The following STRN3 variants were observed in gnomAD, a reference collection of about 807,000 sequenced individuals.
STRN3 encodes the protein striatin 3.
A neutral mutation model predicts 95.6 loss-of-function variants in STRN3; 29 were observed. That is an observed-to-expected ratio of 0.30 (90% confidence interval 0.23 to 0.41). The LOEUF (loss-of-function observed/expected upper bound fraction) is 0.41, where lower values mean the gene tolerates loss of function less well. Ranked by LOEUF, STRN3 falls within the 10% of genes least tolerant of loss-of-function variation. The pLI is 1.00. For synonymous variants in STRN3, 331 were observed against 357.6 expected (o/e 0.93, Z 0.84); for missense variants, 890 against 972.1 (o/e 0.92, Z 1.12).
chr14:30,945,431 T>C (rs1296694073), intron 5 of STRN3, among the ~76,000 whole-genome samples: 1 of 151,998 alleles, frequency 6.6e-6, no homozygotes, highest in Non-Finnish European at 1.5e-5. Context: ...CTGGGCAACA[T>C]AGCAAAATCC....
At chr14:30,907,851 T>C (rs750262630) in intron 13 of STRN3, among the ~76,000 whole-genome samples, 1 of 152,224 alleles carries the variant, frequency 6.6e-6, no homozygotes, top group Non-Finnish European at 1.5e-5. Context: ...GCATAATTTG[T>C]CTGACAATCC....
At chr14:30,959,368 T>C (rs1044496717) in intron 1 of STRN3, among the ~76,000 whole-genome samples, 1 of 151,872 alleles carries the variant, frequency 6.6e-6, no homozygotes, top group South Asian at 2.1e-4. Flanking sequence ...CACCAACATA[T>C]GGATTAACCA....
At chr14:30,909,837 T>G (rs1346428927) in intron 13 of STRN3, among the ~76,000 whole-genome samples, 1 of 152,164 alleles carries the variant, frequency 6.6e-6, no homozygotes, top group Admixed American at 6.5e-5. Flanking sequence ...AGTAAAGCAG[T>G]TAAACACATA....
intron 1 of STRN3, among the ~76,000 whole-genome samples, chr14:30,981,254 G>C (rs367648256): frequency 5.3e-5 from 8 of 152,000 alleles, no homozygotes; most frequent in African/African-American, 1.9e-4. Context: ...GTTGGAGACC[G>C]AGGGAACTAT....
intron 1 of STRN3, among the ~76,000 whole-genome samples, chr14:30,996,251 CA>C (rs757284143): frequency 4.8e-4 from 73 of 152,220 alleles, no homozygotes; most frequent in African/African-American, 1.6e-3. Flanking sequence ...GGTCACCGAC[CA>C]CCTAGTCACC....
intron 7 of STRN3, among the ~76,000 whole-genome samples, chr14:30,930,876 T>G (rs968186190): frequency 1.3e-5 from 2 of 152,100 alleles, no homozygotes; most frequent in Non-Finnish European, 1.5e-5. Flanking sequence ...TTCAACTACT[T>G]AAAGCAAGAC....
At chr14:30,968,108 G>A (rs1477449415) in intron 1 of STRN3, among the ~76,000 whole-genome samples, 2 of 152,090 alleles carry the variant, frequency 1.3e-5, no homozygotes, top group Non-Finnish European at 2.9e-5. Flanking sequence ...GGACTAAACA[G>A]GGTCTTATTA....
intron 1 of STRN3, among the ~76,000 whole-genome samples, chr14:31,024,131 A>C (rs1320248588): frequency 1.3e-5 from 2 of 152,210 alleles, no homozygotes; most frequent in Non-Finnish European, 2.9e-5. Context: ...GGCACAAGAT[A>C]TCTTTCTTCT....
At chr14:30,994,352 T>C (rs1464749729) in intron 1 of STRN3, among the ~76,000 whole-genome samples, 2 of 152,190 alleles carry the variant, frequency 1.3e-5, no homozygotes, top group Admixed American at 6.5e-5. Flanking sequence ...TAAAATCGTT[T>C]AGAACTCTGG....
At chr14:30,922,725 T>C (rs1896915426) in intron 8 of STRN3, among the ~76,000 whole-genome samples, 1 of 152,236 alleles carries the variant, frequency 6.6e-6, no homozygotes, top group Non-Finnish European at 1.5e-5. Context: ...TTCTATTTTC[T>C]ATCATAATTA....
chr14:30,898,204 T>A (rs1433678101), intron 16 of STRN3, among the ~76,000 whole-genome samples: 1 of 151,486 alleles, frequency 6.6e-6, no homozygotes, highest in Non-Finnish European at 1.5e-5. Context: ...CTCAAACTCC[T>A]GGTGTCAAGC....
At chr14:30,984,603 C>T (rs1280566999) in intron 1 of STRN3, among the ~76,000 whole-genome samples, 1 of 151,934 alleles carries the variant, frequency 6.6e-6, no homozygotes, top group African/African-American at 2.4e-5. Context: ...CAGGATGAAA[C>T]CTCGTATCCA....
chr14:30,965,786 A>C (rs1594509155), intron 1 of STRN3, among the ~76,000 whole-genome samples: 1 of 151,522 alleles, frequency 6.6e-6, no homozygotes, highest in Middle Eastern at 3.4e-3. Context: ...AAAAAAAAAA[A>C]AAACAACAAA....
At chr14:30,927,526 A>C (rs1328144337) in intron 8 of STRN3, among the ~76,000 whole-genome samples, 1 of 152,102 alleles carries the variant, frequency 6.6e-6, no homozygotes, top group African/African-American at 2.4e-5. Flanking sequence ...ACATTATCTA[A>C]CATTTCAAAA....
At chr14:30,926,464 C>T (rs1422161112) in intron 8 of STRN3, among the ~76,000 whole-genome samples, 1 of 151,680 alleles carries the variant, frequency 6.6e-6, no homozygotes, top group Admixed American at 6.6e-5. Context: ...TGAATATGTG[C>T]CAAATAAATA....
chr14:31,016,557 ATT>A (rs1261760258), intron 1 of STRN3, among the ~76,000 whole-genome samples: 1 of 151,574 alleles, frequency 6.6e-6, no homozygotes, highest in East Asian at 1.9e-4. Flanking sequence ...ATATATATAT[ATT>A]TTGAGACAGA....
At chr14:30,930,799 C>T (rs1878492852) in intron 7 of STRN3, among the ~76,000 whole-genome samples, 1 of 151,950 alleles carries the variant, frequency 6.6e-6, no homozygotes, top group Admixed American at 6.6e-5. Flanking sequence ...ATTGAATATA[C>T]CAAGAAAAAC....
rs1883094713 is a variant in STRN3, at chr14:31,013,867, TTATTATTATTATTATTATTATTA to T, written c.282+12014_282+12036del. 1.6e-4 allele frequency among the ~76,000 whole-genome samples: 15 copies of T among 92,746 alleles called. 1 individual carries two copies. The highest frequency in any genetic ancestry group is 0.011 in the Middle Eastern group (2 of 182). The allele number at this position is 92,746 out of a possible 152,430, so 60.8% of individuals were successfully genotyped here. On this transcript the variant is annotated intron_variant, in intron 1 of 17. Transcript: ENST00000357479. ...GCCTTGGCTTCTCAAAGCAATTTTATTATTATTATTATTATTATTATTATTATTATTATTATTATTATTATTAT... is the reference window on the plus strand; with the variant it reads ...GCCTTGGCTTCTCAAAGCAATTTTATTTATTATTATTATTATTATTATTAT...
chr14:30,942,163 C>T (rs1226834521), intron 5 of STRN3, among the ~76,000 whole-genome samples: 2 of 152,136 alleles, frequency 1.3e-5, no homozygotes, highest in East Asian at 1.9e-4. Flanking sequence ...TCGTTAAATT[C>T]TCCCTATCTC....
Sources: gnomAD v4.1 joint callset for allele counts (sites outside exome capture counted in the v4.1 genomes callset) on GRCh38, gnomAD v4.1.1 for gene constraint, MANE v1.5 for transcripts, NCBI Gene and HGNC (gene_info 2026-07-23, HGNC 2026-07-21) for gene names.